ESPL1: variants seen among roughly 807,000 people sequenced by gnomAD.
ESPL1 encodes the protein extra spindle pole bodies like 1, separase.
ESPL1 carries 50 observed loss-of-function variants against 217.2 expected under a neutral mutation model. The ratio of observed to expected loss-of-function variants is 0.23; its 90% CI spans 0.18 to 0.29. ESPL1 has a LOEUF of 0.29. Ranked by LOEUF, ESPL1 falls within the 10% of genes least tolerant of loss-of-function variation. ESPL1 has a pLI of 1.00. For missense variants in ESPL1, 1,834 were observed against 2,603.0 expected (o/e 0.70, Z 6.43); for synonymous variants, 994 against 1,081.3 (o/e 0.92, Z 1.58).
In ESPL1 at chr12:53,284,130, C is replaced by T; in HGVS notation, c.3150C>T (p.Asp1050=). 2 of 1,613,946 alleles carry T rather than the reference C, an allele frequency of 1.2e-6. No individual in the cohort carries two copies. The highest frequency in any genetic ancestry group is 1.7e-6 in the Non-Finnish European group (2 of 1,179,820). The part of the protein sequence containing the change: ...ARNDIDLCQS[D]LQQVLFLLES... ...ATGACATTGATCTCTGTCAGTCGGA[C>T]CTGCAGCAGGTTCTGTTCTTGCTTG... Residue 1050 remains aspartate, a synonymous_variant, in exon 17 of 31, where the codon GAC becomes GAT. Coordinates refer to ENST00000257934, the MANE Select transcript of ESPL1 (RefSeq NM_012291.5).
chr12:53,276,583 T>G, intron 7 of ESPL1, 37 bp from the exon 8 acceptor site: 1 of 1,556,466 alleles, frequency 6.4e-7, no homozygotes, highest in Non-Finnish European at 8.7e-7. Context: ...TTATGCCTCC[T>G]GGGTTCCACC....
intron 7 of ESPL1, among the ~76,000 whole-genome samples, chr12:53,276,060 G>A (rs772437771): frequency 8.5e-5 from 13 of 152,096 alleles, no homozygotes; most frequent in Non-Finnish European, 1.8e-4. Context: ...AATATTAGCC[G>A]AATGTGGTGG....
intron 22 of ESPL1, 129 bp from the exon 23 acceptor site, chr12:53,289,956 C>T (rs909279900): frequency 1.2e-5 from 12 of 1,015,016 alleles, no homozygotes; most frequent in Non-Finnish European, 1.8e-5. Context: ...AGGGAGAGCA[C>T]CTTGACCTCT....
chr12:53,274,978 G>A lies in ESPL1; in HGVS notation c.1668G>A (p.Ala556=), dbSNP rs1383461478. 12 of 1,564,470 alleles carry A rather than the reference G, an allele frequency of 7.7e-6. No homozygotes were observed. Among genetic ancestry groups the A allele is most frequent in the African/African-American group, 2.7e-5 (2 of 72,800 alleles). ...TCTGGGTTCGGGTCAAGATGGATGC[G>A]GCCAGGGCTGGAGACAAGGAGCTAC... ...VTFWVRVKMD[A]ARAGDKELQL... is the part of the protein sequence containing the mutation. The change falls in exon 7 of 31, where the codon GCG becomes GCA. Residue 556 remains alanine, a synonymous_variant. Transcript: ENST00000257934.
Position 53,291,077 on chromosome 12 carries a change from T to C in ESPL1, c.5520+81T>C, listed in dbSNP as rs369366905. On this transcript the variant is annotated intron_variant, in intron 25 of 30. Coordinates refer to ENST00000257934, the MANE Select transcript of ESPL1 (RefSeq NM_012291.5). ...CAGCACTTTGGGAGGCCAAGGCAGATGGATTGCTTGAGCTCAGGAGCTCGA... is the reference window on the plus strand; with the variant it reads ...CAGCACTTTGGGAGGCCAAGGCAGACGGATTGCTTGAGCTCAGGAGCTCGA... 126 of 1,267,598 alleles carry C rather than the reference T, an allele frequency of 9.9e-5. 1 individual carries two copies. The highest frequency in any genetic ancestry group is 9.3e-4 in the East Asian group (35 of 37,504). 78.5% of individuals were successfully genotyped at this position (1,267,598 alleles called of 1,614,324 possible).
rs1224964443 is a variant in ESPL1, at chr12:53,276,628, G to A, written c.1709G>A (p.Arg570Gln). The A allele has an allele frequency of 1.9e-6, 3 of 1,610,876 alleles. No individual in the cohort carries two copies. The highest frequency in any genetic ancestry group is 2.2e-5 in the East Asian group (1 of 44,774). ...GDKELQLKTL[R>Q]DSLSGWDPET... is the part of the protein sequence containing the mutation. The stretch of plus-strand genomic sequence containing the variant: ...AGCATGCCCTCTCTCAGGACTCTGC[G>A]AGACAGCCTCAGTGGCTGGGACCCG... The change falls in exon 8 of 31, where the codon CGA (arginine) becomes CAA (glutamine). Residue 570 changes from arginine (R) to glutamine (Q), a missense_variant. Physicochemically the swap from Arg to Gln is conservative, Grantham distance 43. Coordinates refer to ENST00000257934, the MANE Select transcript of ESPL1 (RefSeq NM_012291.5).
At position 53,286,985 on chromosome 12, in the gene ESPL1, G is replaced by A; in HGVS notation, c.4176+73G>A. 6.9e-7 allele frequency: 1 copy of A among 1,455,726 alleles called. No homozygotes were observed. The highest frequency in any genetic ancestry group is 9.2e-7 in the Non-Finnish European group (1 of 1,082,018). The allele number at this position is 1,455,726 out of a possible 1,614,324, so 90.2% of individuals were successfully genotyped here. ...TAGTCCTGGAGGAGAGTGTTTTATA[G>A]AGCAGGTGTCCCTGTGGAATAGCTC... On this transcript the variant is annotated intron_variant, in intron 18 of 30. Transcript: ENST00000257934. The surrounding 1 kb of genome is among the most constrained non-coding windows in gnomAD (Gnocchi z 5.3).
Position 53,269,305 on chromosome 12 carries a change from T to A in ESPL1, c.363T>A (p.Ala121=). ...QGSPEATLRL[A]QPLHACLVQC... ...GCCCAGAGGCCACACTCCGCCTTGC[T>A]CAGCCCCTCCATGCCTGCTTGGTGC... Residue 121 remains alanine (A), a synonymous_variant, in exon 3 of 31, where the codon GCT becomes GCA. Transcript: ENST00000257934. This position sits in a 1 kb window ranked among gnomAD's most constrained non-coding sequence, Gnocchi z 6.7. The A allele has an allele frequency of 1.2e-6, 2 of 1,614,192 alleles. No homozygotes were observed. The highest frequency in any genetic ancestry group is 1.7e-6 in the Non-Finnish European group (2 of 1,180,042).
chr12:53,281,721 G>A, intron 13 of ESPL1, 95 bp downstream of exon 13: 1 of 1,248,006 alleles, frequency 8.0e-7, no homozygotes, highest in South Asian at 1.3e-5. Flanking sequence ...TTTCCCTGGA[G>A]CTAGGCAGTA....
Position 53,288,667 on chromosome 12 carries a change from G to C in ESPL1, c.4676G>C (p.Arg1559Pro), listed in dbSNP as rs766352133. 6.2e-7 allele frequency: 1 copy of C among 1,613,428 alleles called. No homozygotes were observed. The highest frequency in any genetic ancestry group is 1.1e-5 in the South Asian group (1 of 91,042). Reference protein sequence around the residue: ...DKESDKDLGPRLRLPSAPVAT... With the variant: ...DKESDKDLGPPLRLPSAPVAT... ...GAGAGTGACAAGGACCTTGGTCCTCGGCTCCGGCTCCCCTCAGCCCCCGTA... is the reference window on the plus strand; with the variant it reads ...GAGAGTGACAAGGACCTTGGTCCTCCGCTCCGGCTCCCCTCAGCCCCCGTA... The change falls in exon 20 of 31, where the codon CGG becomes CCG. Residue 1559 changes from arginine (R) to proline (P), a missense_variant. Physicochemically the swap from Arg to Pro is moderately radical, Grantham distance 103 (BLOSUM62 -2). Transcript: ENST00000257934.
rs201137134 is a variant in ESPL1 at position 53,292,583 on chromosome 12, C to T, written c.5922C>T (p.Gly1974=). Residue 1974 remains glycine (G), a synonymous_variant, in exon 29 of 31, where the codon GGC becomes GGT. Transcript: ENST00000257934. The surrounding 1 kb of genome is among the most constrained non-coding windows in gnomAD (Gnocchi z 4.5). ...TGCCTTTTCCCTGCAGTGAAGCTGGCTGGAGAGGAGTGGTTGGGGAGGTGC... is the reference window on the plus strand; with the variant it reads ...TGCCTTTTCCCTGCAGTGAAGCTGGTTGGAGAGGAGTGGTTGGGGAGGTGC... ...QFRANFSSEA[G]WRGVVGEVPR... 5 of 1,611,850 alleles carry T rather than the reference C, an allele frequency of 3.1e-6. No homozygotes were observed. Among genetic ancestry groups the T allele is most frequent in the Middle Eastern group, 3.3e-4 (2 of 6,060 alleles).
intron 15 of ESPL1, 62 bp downstream of exon 15, chr12:53,283,319 G>GT (rs1418089881): frequency 1.2e-5 from 20 of 1,611,428 alleles, no homozygotes; most frequent in African/African-American, 6.7e-5. Flanking sequence ...GAGGGCTGCG[G>GT]TTTTTTCTCC....
rs751145381 is a variant in ESPL1, at chr12:53,286,677, A to C, written c.3941A>C (p.Lys1314Thr). The C allele has an allele frequency of 1.2e-6, 2 of 1,614,130 alleles. No homozygotes were observed. The highest frequency in any genetic ancestry group is 2.2e-5 in the South Asian group (2 of 91,086). ...GAGCCCTCTAAGACTCAGGGCCAAA[A>C]ACGTTCTGGACGAGGGCGCCAAAAG... The part of the protein sequence containing the change: ...GSEPSKTQGQ[K>T]RSGRGRQKLA... Residue 1314 changes from lysine to threonine, a missense_variant, in exon 18 of 31, where the codon AAA (lysine) becomes ACA (threonine). Lys to Thr is a moderately conservative substitution (Grantham distance 78). Transcript: ENST00000257934. The surrounding 1 kb of genome is among the most constrained non-coding windows in gnomAD (Gnocchi z 5.3).
At position 53,293,279 on chromosome 12, in the gene ESPL1, G is replaced by A; in HGVS notation, c.6168G>A (p.Leu2056=). Residue 2056 remains leucine, a synonymous_variant, in exon 31 of 31, where the codon TTG becomes TTA. Transcript: ENST00000257934. The surrounding 1 kb of genome is among the most constrained non-coding windows in gnomAD (Gnocchi z 4.2). ...VLKYIMAGCP[L]FLGNLWDVTD... is the part of the protein sequence containing the mutation. Reference sequence around the variant, plus strand: ...CCTCCTTTTCTTTTCCCAGCCCCTTGTTTCTGGGTAATCTCTGGGATGTGA... The same window carrying A: ...CCTCCTTTTCTTTTCCCAGCCCCTTATTTCTGGGTAATCTCTGGGATGTGA... The A allele has an allele frequency of 6.2e-7, 1 of 1,613,454 alleles. No homozygotes were observed. The highest frequency in any genetic ancestry group is 1.1e-5 in the South Asian group (1 of 91,078).
At chr12:53,289,887 T>G in intron 22 of ESPL1, 198 bp from the exon 23 acceptor site, 3 of 626,376 alleles carry the variant, frequency 4.8e-6, no homozygotes, top group Non-Finnish European at 8.3e-6. Flanking sequence ...CTTTGTTAGT[T>G]GCTGTGAGGG....
At position 53,282,783 on chromosome 12, in the gene ESPL1, A is replaced by G. The variant is rs983975303; in HGVS notation, c.2792-346A>G. Among the ~76,000 whole-genome samples the G allele has an allele frequency of 4.6e-5, 7 of 152,184 alleles. No homozygotes were observed. Among genetic ancestry groups the G allele is most frequent in the Non-Finnish European group, 1.0e-4 (7 of 68,038 alleles). On this transcript the variant is annotated intron_variant, in intron 14 of 30. Coordinates refer to ENST00000257934, the MANE Select transcript of ESPL1 (RefSeq NM_012291.5). The surrounding 1 kb of genome is among the most constrained non-coding windows in gnomAD (Gnocchi z 4.0). Reference sequence around the variant, plus strand: ...ATTCTCCTGCCTCAACCTCCTGAGTAGCTGGGATTACTGGCATGCGCCACT... The same window carrying G: ...ATTCTCCTGCCTCAACCTCCTGAGTGGCTGGGATTACTGGCATGCGCCACT...
In ESPL1 at chr12:53,269,315, C is replaced by A; in HGVS notation, c.373C>A (p.His125Asn). The change falls in exon 3 of 31, where the codon CAT becomes AAT. Residue 125 changes from histidine to asparagine, a missense_variant. This residue lies in a region of ESPL1 where 746 missense variants were observed against 1,077.0 expected (regional missense o/e 0.69). Coordinates refer to ENST00000257934, the MANE Select transcript of ESPL1 (RefSeq NM_012291.5). The surrounding 1 kb of genome is among the most constrained non-coding windows in gnomAD (Gnocchi z 6.7). ...CACACTCCGCCTTGCTCAGCCCCTC[C>A]ATGCCTGCTTGGTGCAGTGCTCTCG... ...EATLRLAQPL[H>N]ACLVQCSREA... 6.2e-7 allele frequency: 1 copy of A among 1,614,204 alleles called. No individual in the cohort carries two copies. The highest frequency in any genetic ancestry group is 2.2e-5 in the East Asian group (1 of 44,886).
At chr12:53,281,454 T>C in intron 12 of ESPL1, 53 bp from the exon 13 acceptor site, 1 of 1,593,852 alleles carries the variant, frequency 6.3e-7, no homozygotes, top group South Asian at 1.1e-5. Flanking sequence ...ACTCCAGTTT[T>C]GTTTGAAGAG....
chr12:53,289,953 G>A, intron 22 of ESPL1, 132 bp from the exon 23 acceptor site: 5 of 947,418 alleles, frequency 5.3e-6, no homozygotes, highest in Non-Finnish European at 6.4e-6. Flanking sequence ...GCAAGGGAGA[G>A]CACCTTGACC....
Sources: allele counts gnomAD v4.1 joint callset (sites outside exome capture counted in the v4.1 genomes callset), GRCh38; gene constraint gnomAD v4.1.1; regional missense constraint gnomAD v4.1.1; non-coding constraint Gnocchi (gnomAD v3.1); transcripts MANE v1.5; gene names NCBI Gene and HGNC (gene_info 2026-07-23, HGNC 2026-07-21).